The following CRYBG3 variants were observed in gnomAD, a reference collection of about 807,000 sequenced individuals.
CRYBG3 encodes the protein very large A-kinase anchor protein.
CRYBG3 carries 127 observed loss-of-function variants against 244.2 expected under a neutral mutation model. The observed-to-expected ratio is 0.52, with a 90% CI of 0.45 to 0.60. The LOEUF (loss-of-function observed/expected upper bound fraction) is 0.60, where lower values mean the gene tolerates loss of function less well. Ranked by LOEUF, CRYBG3 falls within the 20% of genes least tolerant of loss-of-function variation. The probability of loss-of-function intolerance (pLI) is 0.00; values close to 1 mark genes in which losing one functional copy is unlikely to be tolerated. For missense variants in CRYBG3, 3,325 were observed against 3,442.5 expected (o/e 0.97, Z 0.85); for synonymous variants, 1,132 against 1,195.8 (o/e 0.95, Z 1.10).
intron 11 of CRYBG3, among the ~76,000 whole-genome samples, chr3:97,894,766 A>G (rs1177459859): frequency 6.6e-6 from 1 of 152,194 alleles, no homozygotes; most frequent in African/African-American, 2.4e-5. Context: ...AATAAAGCTT[A>G]GAATTTAAAA....
chr3:97,938,145 C>T (rs1421678534), intron 19 of CRYBG3, among the ~76,000 whole-genome samples: 1 of 148,440 alleles, frequency 6.7e-6, no homozygotes, highest in Non-Finnish European at 1.5e-5. Context: ...CAACAACAGT[C>T]CTTTGAGGTA....
At position 97,944,892 on chromosome 3, in the gene CRYBG3, C is replaced by A; in HGVS notation, c.*1578C>A. 4.8e-6 allele frequency: 1 copy of A among 209,330 alleles called. No individual in the cohort carries two copies. The highest frequency in any genetic ancestry group is 1.0e-4 in the East Asian group (1 of 9,588). 13.0% of individuals were successfully genotyped at this position (209,330 alleles called of 1,614,324 possible). On this transcript the variant is annotated 3_prime_UTR_variant, in exon 22 of 22. Coordinates refer to ENST00000389622, the MANE Select transcript of CRYBG3 (RefSeq NM_153605.4). ...CCAAAGAACAAAGCCAGGTTAATGA[C>A]ATTCAATTCTAAATGATACATTGGA...
In CRYBG3 at chr3:97,876,823, C is replaced by T. The variant is rs2039378661; in HGVS notation, c.5629C>T (p.Leu1877=). ...VDIEKIHGTG[L]ELTTKQGEAM... ...CATTGAGAAAATACATGGAACAGGA[C>T]TAGAATTGACCACTAAACAAGGGGA... is the stretch of plus-strand genomic sequence containing the variant. The change falls in exon 4 of 22, where the codon CTA becomes TTA. Residue 1877 remains leucine, a synonymous_variant. Coordinates refer to ENST00000389622, the MANE Select transcript of CRYBG3 (RefSeq NM_153605.4). 1 of 1,364,298 alleles carries T rather than the reference C, an allele frequency of 7.3e-7. No homozygotes were observed. Among genetic ancestry groups the T allele is most frequent in the African/African-American group, 1.5e-5 (1 of 67,932 alleles). The allele number at this position is 1,364,298 out of a possible 1,614,324, so 84.5% of individuals were successfully genotyped here. A position where few individuals can be genotyped will look rare whatever the true frequency, so the allele number is the denominator to read the frequency against.
At chr3:97,849,027 C>T (rs560777634) in intron 2 of CRYBG3, among the ~76,000 whole-genome samples, 1 of 152,156 alleles carries the variant, frequency 6.6e-6, no homozygotes, top group Non-Finnish European at 1.5e-5. Flanking sequence ...TCTTTGTAAC[C>T]AGATATGCCT....
At position 97,943,450 on chromosome 3, in the gene CRYBG3, CCT is replaced by C. The variant is rs1559752448; in HGVS notation, c.*139_*140del. 7 of 629,576 alleles carry C rather than the reference CCT, an allele frequency of 1.1e-5. No individual in the cohort carries two copies. The highest frequency in any genetic ancestry group is 1.7e-5 in the Non-Finnish European group (6 of 359,492). 39.0% of individuals were successfully genotyped at this position (629,576 alleles called of 1,614,324 possible). A position where few individuals can be genotyped will look rare whatever the true frequency, so the allele number is the denominator to read the frequency against. ...TGAGCAGAATGAACATTTTCTCCAGCCTCTGAGACTATCGCTCTTAACCATGG... is the reference window on the plus strand; with the variant it reads ...TGAGCAGAATGAACATTTTCTCCAGCCTGAGACTATCGCTCTTAACCATGG... On this transcript the variant is annotated 3_prime_UTR_variant, in exon 22 of 22. Transcript: ENST00000389622.
At chr3:97,862,500 A>G (rs13100163) in intron 2 of CRYBG3, among the ~76,000 whole-genome samples, 33,261 of 152,092 alleles carry the variant, frequency 0.22, 4,148 homozygotes, top group Middle Eastern at 0.3. Flanking sequence ...GTTCTTTTTG[A>G]CCTGGGGAGA....
intron 17 of CRYBG3, among the ~76,000 whole-genome samples, chr3:97,925,474 C>T (rs1281134005): frequency 3.3e-5 from 5 of 151,946 alleles, no homozygotes; most frequent in Non-Finnish European, 7.4e-5. Flanking sequence ...AACAAATAAC[C>T]ACACATTCCT....
At chr3:97,920,627 T>G (rs2039973452) in intron 17 of CRYBG3, among the ~76,000 whole-genome samples, 1 of 151,998 alleles carries the variant, frequency 6.6e-6, no homozygotes, top group Non-Finnish European at 1.5e-5. Flanking sequence ...CCTCCCAAGT[T>G]CAAGGAATTC....
At chr3:97,894,668 T>C (rs2108235484) in intron 11 of CRYBG3, among the ~76,000 whole-genome samples, 1 of 152,342 alleles carries the variant, frequency 6.6e-6, no homozygotes, top group Non-Finnish European at 1.5e-5. Context: ...CGAATCTTAA[T>C]TGATCCTTTA....
intron 17 of CRYBG3, among the ~76,000 whole-genome samples, chr3:97,922,578 A>C (rs1003191691): frequency 1.2e-4 from 19 of 152,130 alleles, no homozygotes; most frequent in African/African-American, 2.7e-4. Flanking sequence ...CCAATAGACA[A>C]ATGAAAAAAT....
intron 9 of CRYBG3, 77 bp downstream of exon 9, chr3:97,888,532 C>T (rs2039535470): frequency 2.2e-6 from 2 of 926,532 alleles, no homozygotes; most frequent in Non-Finnish European, 3.5e-6. Flanking sequence ...GATGTTTGCT[C>T]ATGCATCTCA....
At chr3:97,840,947 G>A (rs957010446) in intron 1 of CRYBG3, among the ~76,000 whole-genome samples, 2 of 151,376 alleles carry the variant, frequency 1.3e-5, no homozygotes, top group African/African-American at 4.9e-5. Context: ...ATCAATTCAC[G>A]TTTACTTTAA....
rs1429785920 is a variant in CRYBG3 at position 97,872,353 on chromosome 3, A to G, written c.1159A>G (p.Ser387Gly). Residue 387 changes from serine (S) to glycine (G), a missense_variant, in exon 4 of 22, where the codon AGT becomes GGT. Ser to Gly is a moderately conservative substitution (Grantham distance 56). Coordinates refer to ENST00000389622, the MANE Select transcript of CRYBG3 (RefSeq NM_153605.4). ...NLVCSALLTG[S>G]NHRKVPCSPD... ...GGTATGTTCAGCATTGTTAACAGGA[A>G]GTAACCATCGCAAAGTCCCTTGCAG... 8 of 1,535,902 alleles carry G rather than the reference A, an allele frequency of 5.2e-6. No individual in the cohort carries two copies. The Admixed American group carries it at 1.6e-4, about 30-fold the overall frequency.
At chr3:97,909,653 A>T (rs1355892957) in intron 15 of CRYBG3, among the ~76,000 whole-genome samples, 21 of 151,090 alleles carry the variant, frequency 1.4e-4, no homozygotes, top group Admixed American at 2.0e-4. Flanking sequence ...ATTCTTCTAA[A>T]TTTTTTTCAA....
intron 16 of CRYBG3, among the ~76,000 whole-genome samples, chr3:97,912,488 G>A (rs1181642810): frequency 2.6e-5 from 4 of 152,082 alleles, no homozygotes; most frequent in Non-Finnish European, 5.9e-5. Context: ...CCAACTTAGG[G>A]AACATTTTGA....
intron 2 of CRYBG3, among the ~76,000 whole-genome samples, chr3:97,850,008 G>A (rs991808623): frequency 2.0e-5 from 3 of 151,908 alleles, no homozygotes; most frequent in African/African-American, 2.4e-5. Context: ...AGCATATATC[G>A]TGAGCTTCAG....
chr3:97,923,928 G>A (rs1467856542), intron 17 of CRYBG3, among the ~76,000 whole-genome samples: 2 of 152,084 alleles, frequency 1.3e-5, no homozygotes, highest in Non-Finnish European at 2.9e-5. Flanking sequence ...GGGGGTAGAG[G>A]TGGGGAGTAA....
chr3:97,832,090 G>A lies in CRYBG3; in HGVS notation c.149+9735G>A, dbSNP rs573605461. On this transcript the variant is annotated intron_variant, in intron 1 of 21. Coordinates refer to ENST00000389622, the MANE Select transcript of CRYBG3 (RefSeq NM_153605.4). ...GCTATGAGGAAATAATTGCTTGCTC[G>A]TTGATAGGAAGAATCGATATTGTGA... 7.2e-5 allele frequency among the ~76,000 whole-genome samples: 11 copies of A among 151,946 alleles called. 1 individual carries two copies. The highest frequency in any genetic ancestry group is 2.4e-4 in the African/African-American group (10 of 41,484).
At chr3:97,892,809 A>G (rs1371795949) in intron 10 of CRYBG3, 51 bp from the exon 11 acceptor site, 1 of 967,412 alleles carries the variant, frequency 1.0e-6, no homozygotes, top group Admixed American at 3.4e-5. Context: ...GGTGTCACTT[A>G]AGTAAATATG....
Sources: allele counts gnomAD v4.1 joint callset (sites outside exome capture counted in the v4.1 genomes callset), GRCh38; gene constraint gnomAD v4.1.1; transcripts MANE v1.5; gene names NCBI Gene and HGNC (gene_info 2026-07-23, HGNC 2026-07-21).